ZNRF3: variants seen among roughly 807,000 people sequenced by gnomAD.
The protein encoded by ZNRF3 is E3 ubiquitin-protein ligase ZNRF3.
A neutral mutation model predicts 72.5 loss-of-function variants in ZNRF3; 23 were observed. The ratio of observed to expected loss-of-function variants is 0.32; its 90% CI spans 0.23 to 0.45. ZNRF3 has a LOEUF of 0.45. ZNRF3 is among the 20% of genes least tolerant of loss of function. ZNRF3 has a pLI of 1.00. For synonymous variants in ZNRF3, 610 were observed against 545.3 expected (o/e 1.12, Z -1.65); for missense variants, 1,169 against 1,272.1 (o/e 0.92, Z 1.23).
intron 1 of ZNRF3, among the ~76,000 whole-genome samples, chr22:28,888,135 C>G (rs2033823852): frequency 6.6e-6 from 1 of 152,106 alleles, no homozygotes; most frequent in South Asian, 2.1e-4. Flanking sequence ...AGAACTAAGT[C>G]AGTTCCTTTA....
intron 1 of ZNRF3, among the ~76,000 whole-genome samples, chr22:28,937,197 ATATATATATATATATATATTT>A (rs1189309560): frequency 1.1e-4 from 5 of 47,028 alleles, no homozygotes; most frequent in African/African-American, 6.9e-4. Flanking sequence ...ATATATATAT[ATATATATATATATATATATTT>A]TTTTTTTTTT....
intron 1 of ZNRF3, among the ~76,000 whole-genome samples, chr22:28,937,213 ATATTTTTTTTTTTTTTT>A (rs1336301573): frequency 7.1e-4 from 3 of 4,222 alleles, no homozygotes; most frequent in Non-Finnish European, 1.0e-3. Context: ...ATATATATAT[ATATTTTTTTTTTTTTTT>A]TTTTTTTTAA....
In ZNRF3 at chr22:29,049,689, G is replaced by T. The variant is rs779362085; in HGVS notation, c.1508G>T (p.Gly503Val). 3.7e-6 allele frequency: 6 copies of T among 1,606,754 alleles called. No homozygotes were observed. The highest frequency in any genetic ancestry group is 1.7e-5 in the Admixed American group (1 of 59,836). The change falls in exon 8 of 9, where the codon GGC becomes GTC. Residue 503 changes from glycine to valine, a missense_variant. Coordinates refer to ENST00000544604, the MANE Select transcript of ZNRF3 (RefSeq NM_001206998.2). This position sits in a 1 kb window ranked among gnomAD's most constrained non-coding sequence, Gnocchi z 5.2. ...RGPARAFPPS[G>V]SGSLLFPTVV... ...CCGGCCCGTGCCTTTCCTCCGAGCG[G>T]CAGTGGCAGCCTGCTCTTCCCCACC... is the stretch of plus-strand genomic sequence containing the variant.
chr22:28,968,085 C>G (rs1004237742), intron 1 of ZNRF3, among the ~76,000 whole-genome samples: 3 of 152,100 alleles, frequency 2.0e-5, no homozygotes, highest in African/African-American at 7.2e-5. Flanking sequence ...ACACCCTTCC[C>G]CTGGATAGCT....
intron 1 of ZNRF3, among the ~76,000 whole-genome samples, chr22:28,960,776 C>T (rs2035343906): frequency 1.3e-5 from 2 of 152,106 alleles, no homozygotes; most frequent in Non-Finnish European, 2.9e-5. Context: ...TGCCAGGCTC[C>T]TGCTCATTCT....
In ZNRF3 at chr22:29,055,690, G is replaced by C. The variant is rs766393758; in HGVS notation, c.*2068G>C. The C allele has an allele frequency of 6.6e-6, 1 of 152,284 alleles. No homozygotes were observed. The highest frequency in any genetic ancestry group is 1.5e-5 in the Non-Finnish European group (1 of 68,096). The allele number at this position is 152,284 out of a possible 1,614,324, so 9.4% of individuals were successfully genotyped here. A position where few individuals can be genotyped will look rare whatever the true frequency, so the allele number is the denominator to read the frequency against. On this transcript the variant is annotated 3_prime_UTR_variant, in exon 9 of 9. Transcript: ENST00000544604. ...TTCATTTCTCGGGCCAGGAGTAGCA[G>C]CTGCTAAGGACAGCAGCTTGCATTG...
At chr22:29,014,062 A>G (rs1185182855) in intron 2 of ZNRF3, among the ~76,000 whole-genome samples, 3 of 152,154 alleles carry the variant, frequency 2.0e-5, no homozygotes, top group Non-Finnish European at 4.4e-5. Context: ...TTATCCCCTA[A>G]ATAGCTTTTC....
At chr22:28,931,814 T>C (rs1325603514) in intron 1 of ZNRF3, among the ~76,000 whole-genome samples, 1 of 152,244 alleles carries the variant, frequency 6.6e-6, no homozygotes, top group Non-Finnish European at 1.5e-5. Flanking sequence ...TCAGGAGGAC[T>C]CTTCCTGCCC....
intron 1 of ZNRF3, among the ~76,000 whole-genome samples, chr22:28,891,436 G>A (rs2033885060): frequency 6.6e-6 from 1 of 152,234 alleles, no homozygotes; most frequent in Admixed American, 6.5e-5. Context: ...TAGATTTTGA[G>A]TCTCTCAGTC....
At position 29,026,987 on chromosome 22, in the gene ZNRF3, G is replaced by C. The variant is rs1233153016; in HGVS notation, c.427-15508G>C. 2.6e-5 allele frequency: 4 copies of C among 152,220 alleles called. No homozygotes were observed. In the East Asian group the frequency reaches 5.8e-4, roughly 22 times the overall value. 9.4% of individuals were successfully genotyped at this position (152,220 alleles called of 1,614,324 possible). A position where few individuals can be genotyped will look rare whatever the true frequency, so the allele number is the denominator to read the frequency against. On this transcript the variant is annotated intron_variant, in intron 2 of 8. Coordinates refer to ENST00000544604, the MANE Select transcript of ZNRF3 (RefSeq NM_001206998.2). ...GGGTTTCTTGAAAACCAGAAATGTA[G>C]CTGAGAAAGCAGTTGGGCCATTCTA...
intron 1 of ZNRF3, among the ~76,000 whole-genome samples, chr22:28,972,106 C>A (rs1288052504): frequency 6.6e-6 from 1 of 152,188 alleles, no homozygotes; most frequent in Non-Finnish European, 1.5e-5. Flanking sequence ...TCTTTAATAA[C>A]AGCTTTATTG....
chr22:28,895,437 T>C (rs1308729702), intron 1 of ZNRF3, among the ~76,000 whole-genome samples: 2 of 152,186 alleles, frequency 1.3e-5, no homozygotes, highest in Non-Finnish European at 2.9e-5. Flanking sequence ...CCCAGCACTT[T>C]GGGAGGCTGA....
chr22:29,043,461 G>A (rs756034169), intron 4 of ZNRF3, 31 bp downstream of exon 4: 33 of 1,610,164 alleles, frequency 2.0e-5, no homozygotes, highest in Non-Finnish European at 2.5e-5. Context: ...GCACAGGCTC[G>A]GGGCCTTCTC....
chr22:29,048,621 T>G lies in ZNRF3; in HGVS notation c.1015+130T>G. The G allele has an allele frequency of 3.4e-6, 3 of 887,674 alleles. No individual in the cohort carries two copies. Among genetic ancestry groups the G allele is most frequent in the Non-Finnish European group, 5.3e-6 (3 of 565,104 alleles). The allele number at this position is 887,674 out of a possible 1,614,324, so 55.0% of individuals were successfully genotyped here. ...TCTGGACTTGGAGGCCTGGCAGCCC[T>G]GGGTTTTGGAGGTTGTCTGCACGAC... On this transcript the variant is annotated intron_variant, in intron 7 of 8. Coordinates refer to ENST00000544604, the MANE Select transcript of ZNRF3 (RefSeq NM_001206998.2). This position sits in a 1 kb window ranked among gnomAD's most constrained non-coding sequence, Gnocchi z 4.9.
Position 28,900,484 on chromosome 22 carries a change from C to A in ZNRF3, c.300+16418C>A, listed in dbSNP as rs564913293. 2.6e-5 allele frequency among the ~76,000 whole-genome samples: 4 copies of A among 152,302 alleles called. No homozygotes were observed. In the South Asian group the frequency reaches 8.3e-4, roughly 32 times the overall value. On this transcript the variant is annotated intron_variant, in intron 1 of 8. Coordinates refer to ENST00000544604, the MANE Select transcript of ZNRF3 (RefSeq NM_001206998.2). ...ATGTCTGGAAGGGAATTGATCAAGT[C>A]TGGTAAGCCAGATCAGAGCCCAGAA...
intron 1 of ZNRF3, among the ~76,000 whole-genome samples, chr22:28,912,624 C>T (rs938962586): frequency 6.6e-6 from 1 of 151,202 alleles, no homozygotes; most frequent in Non-Finnish European, 1.5e-5. Flanking sequence ...CCACAAAGAC[C>T]GTCCATCTAG....
At chr22:29,003,568 G>A (rs550930975) in intron 2 of ZNRF3, among the ~76,000 whole-genome samples, 126 of 151,462 alleles carry the variant, frequency 8.3e-4, no homozygotes, top group Non-Finnish European at 1.6e-3. Flanking sequence ...AGAAGTGACT[G>A]AAGGCTCGTG....
chr22:28,938,651 G>T (rs1350323536), intron 1 of ZNRF3, among the ~76,000 whole-genome samples: 1 of 152,148 alleles, frequency 6.6e-6, no homozygotes, highest in Non-Finnish European at 1.5e-5. Flanking sequence ...GGTGAACATT[G>T]CTTGGTTTAT....
chr22:29,052,608 G>T (rs892630170), intron 8 of ZNRF3, among the ~76,000 whole-genome samples: 1 of 151,762 alleles, frequency 6.6e-6, no homozygotes, highest in African/African-American at 2.4e-5. Flanking sequence ...CAGGAGAATC[G>T]CTTGAACCCG....
Sources: gnomAD v4.1 joint callset for allele counts (sites outside exome capture counted in the v4.1 genomes callset) on GRCh38, gnomAD v4.1.1 for gene constraint, Gnocchi (gnomAD v3.1) non-coding constraint, MANE v1.5 for transcripts, NCBI Gene and HGNC (gene_info 2026-07-23, HGNC 2026-07-21) for gene names.